Variants in KCNQ5 observed in about 807,000 individuals in gnomAD.
KCNQ5 encodes the protein potassium voltage-gated channel subfamily KQT member 5.
A neutral mutation model predicts 98.2 loss-of-function variants in KCNQ5; 30 were observed. The observed-to-expected ratio is 0.31, with a 90% CI of 0.23 to 0.41. The LOEUF is 0.41. Ranked by LOEUF, KCNQ5 falls within the 10% of genes least tolerant of loss-of-function variation. The probability of loss-of-function intolerance (pLI) is 1.00; values close to 1 mark genes in which losing one functional copy is unlikely to be tolerated. For synonymous variants in KCNQ5, 458 were observed against 449.4 expected (o/e 1.02, Z -0.24); for missense variants, 835 against 1,182.5 (o/e 0.71, Z 4.31).
chr6:72,637,254 G>GTT (rs34457612), intron 1 of KCNQ5, among the ~76,000 whole-genome samples: 200 of 150,796 alleles, frequency 1.3e-3, no homozygotes, highest in Middle Eastern at 6.8e-3. Flanking sequence ...CAAAAGTTGT[G>GTT]TTTTTTTTTA....
chr6:72,671,387 C>A (rs551896492), intron 1 of KCNQ5, among the ~76,000 whole-genome samples: 2 of 152,222 alleles, frequency 1.3e-5, no homozygotes, highest in East Asian at 3.9e-4. Context: ...AGAAGGATTT[C>A]TCATAGTTAT....
intron 7 of KCNQ5, among the ~76,000 whole-genome samples, chr6:73,119,146 G>A (rs1207635811): frequency 6.6e-6 from 1 of 152,202 alleles, no homozygotes; most frequent in Non-Finnish European, 1.5e-5. Flanking sequence ...GATGTTTGCA[G>A]ACTCATTAAA....
At chr6:72,824,762 T>C (rs888732074) in intron 1 of KCNQ5, among the ~76,000 whole-genome samples, 3 of 151,486 alleles carry the variant, frequency 2.0e-5, no homozygotes, top group African/African-American at 7.3e-5. Flanking sequence ...ACATTTAGTC[T>C]CTCTCTCTTT....
chr6:73,025,643 AAAAAAAAAAAAAAAAAT>A (rs1158437853), intron 2 of KCNQ5, among the ~76,000 whole-genome samples: 2,677 of 127,796 alleles, frequency 0.021, 198 homozygotes, highest in African/African-American at 0.041. Flanking sequence ...AAAAAAAAAA[AAAAAAAAAAAAAAAAAT>A]TCAAGTGTTC....
At chr6:73,006,475 A>T (rs112194281) in intron 2 of KCNQ5, among the ~76,000 whole-genome samples, 2,251 of 152,110 alleles carry the variant, frequency 0.015, 58 homozygotes, top group African/African-American at 0.05. Context: ...AACACAGTGA[A>T]AGCCTGTCTC....
intron 1 of KCNQ5, among the ~76,000 whole-genome samples, chr6:72,895,528 C>T (rs184823279): frequency 1.3e-4 from 19 of 151,374 alleles, no homozygotes; most frequent in Admixed American, 4.6e-4. Context: ...AAAAACAAAA[C>T]CAAGGAGAAC....
chr6:72,708,808 A>G (rs898811574), intron 1 of KCNQ5, among the ~76,000 whole-genome samples: 1 of 150,152 alleles, frequency 6.7e-6, no homozygotes, highest in Non-Finnish European at 1.5e-5. Context: ...GAGCCACTGC[A>G]CCCAGCCCAC....
At chr6:73,132,399 G>GA (rs886884292) in intron 9 of KCNQ5, among the ~76,000 whole-genome samples, 14 of 149,622 alleles carry the variant, frequency 9.4e-5, no homozygotes, top group African/African-American at 2.9e-4. Flanking sequence ...AAGGAAACAA[G>GA]AAAAAAAAAC....
At chr6:72,659,831 T>G (rs1334622712) in intron 1 of KCNQ5, among the ~76,000 whole-genome samples, 3 of 152,184 alleles carry the variant, frequency 2.0e-5, no homozygotes, top group Non-Finnish European at 4.4e-5. Context: ...CGGTCCCCCA[T>G]AAAAAGCAAA....
intron 1 of KCNQ5, among the ~76,000 whole-genome samples, chr6:72,696,385 T>C (rs1034737718): frequency 6.6e-6 from 1 of 152,228 alleles, no homozygotes; most frequent in African/African-American, 2.4e-5. Context: ...TTTTTAATAT[T>C]AGGCACTTTA....
intron 10 of KCNQ5, among the ~76,000 whole-genome samples, chr6:73,154,133 A>G (rs958535812): frequency 2.0e-5 from 3 of 152,142 alleles, no homozygotes; most frequent in African/African-American, 7.2e-5. Flanking sequence ...TATCATTTCT[A>G]CAGCCTAAAA....
chr6:72,848,996 A>C (rs1777129423), intron 1 of KCNQ5, among the ~76,000 whole-genome samples: 1 of 152,144 alleles, frequency 6.6e-6, no homozygotes, highest in East Asian at 1.9e-4. Context: ...AGAACAGACT[A>C]ATATAATGCC....
intron 1 of KCNQ5, among the ~76,000 whole-genome samples, chr6:72,743,570 A>C (rs2154476270): frequency 6.6e-6 from 1 of 152,322 alleles, no homozygotes; most frequent in Non-Finnish European, 1.5e-5. Flanking sequence ...CCATACCAAG[A>C]TTATGCTGCA....
At chr6:72,857,096 T>A (rs1026461352) in intron 1 of KCNQ5, among the ~76,000 whole-genome samples, 1 of 152,238 alleles carries the variant, frequency 6.6e-6, no homozygotes, top group Non-Finnish European at 1.5e-5. Flanking sequence ...CATGCGGCCA[T>A]GCAGGGGCCA....
chr6:73,180,890 C>T (rs571813675), intron 11 of KCNQ5, among the ~76,000 whole-genome samples: 117 of 152,244 alleles, frequency 7.7e-4, no homozygotes, highest in African/African-American at 2.5e-3. Flanking sequence ...TGGCTGGGTC[C>T]GTCCATCTGT....
chr6:72,665,422 G>A (rs1190283686), intron 1 of KCNQ5, among the ~76,000 whole-genome samples: 1 of 151,120 alleles, frequency 6.6e-6, no homozygotes, highest in African/African-American at 2.4e-5. Context: ...CGTTTTAAAA[G>A]TAAGTACCAG....
chr6:72,852,815 AC>A (rs1460020946), intron 1 of KCNQ5, among the ~76,000 whole-genome samples: 1 of 151,460 alleles, frequency 6.6e-6, no homozygotes, highest in Non-Finnish European at 1.5e-5. Flanking sequence ...TACATTAAAA[AC>A]AATAAATACT....
At position 72,994,193 on chromosome 6, in the gene KCNQ5, T is replaced by C. The variant is rs1161510336; in HGVS notation, c.399-9715T>C. Among the ~76,000 whole-genome samples, 6 of 86,076 alleles carry C rather than the reference T, an allele frequency of 7.0e-5. No individual in the cohort carries two copies. In the East Asian group the frequency reaches 1.5e-3, roughly 22 times the overall value. 56.5% of individuals were successfully genotyped at this position (86,076 alleles called of 152,430 possible). A position where few individuals can be genotyped will look rare whatever the true frequency, so the allele number is the denominator to read the frequency against. On this transcript the variant is annotated intron_variant, in intron 1 of 13. Coordinates refer to ENST00000370398, the MANE Select transcript of KCNQ5 (RefSeq NM_019842.4). ...TGAGCTGTGGTGGGCTCCACCCAGT[T>C]CGAGCTGCCCGGCTGCTTTGTTTAC...
At chr6:73,169,650 CTG>C (rs1407882557) in intron 10 of KCNQ5, 94 bp from the exon 11 acceptor site, 21 of 842,134 alleles carry the variant, frequency 2.5e-5, no homozygotes, top group Non-Finnish European at 4.1e-5. Flanking sequence ...TCAGCTTACT[CTG>C]TGAGTATCCC....
Sources: gnomAD v4.1 joint callset for allele counts (sites outside exome capture counted in the v4.1 genomes callset) on GRCh38, gnomAD v4.1.1 for gene constraint, MANE v1.5 for transcripts, NCBI Gene and HGNC (gene_info 2026-07-23, HGNC 2026-07-21) for gene names.